CASTOR2: variants seen among roughly 807,000 people sequenced by gnomAD.
CASTOR2 encodes GATS protein like 2.
In CASTOR2, 8 loss-of-function variants were observed where a neutral mutation model predicts 31.2. The ratio of observed to expected loss-of-function variants is 0.26; its 90% CI spans 0.15 to 0.46. CASTOR2 has a LOEUF of 0.46. Ranked by LOEUF, CASTOR2 falls within the 20% of genes least tolerant of loss-of-function variation. CASTOR2 has a pLI of 0.99. For missense variants in CASTOR2, 216 were observed against 382.1 expected (o/e 0.57, Z 3.62); for synonymous variants, 162 against 158.7 (o/e 1.02, Z -0.16).
intron 1 of CASTOR2, among the ~76,000 whole-genome samples, chr7:75,000,066 A>G (rs1218233469): frequency 3.9e-5 from 6 of 152,118 alleles, no homozygotes. Context: ...GTCTCCACAA[A>G]CATTTAAAAA....
At chr7:75,009,167 A>G (rs1244258607) in intron 2 of CASTOR2, among the ~76,000 whole-genome samples, 1 of 148,848 alleles carries the variant, frequency 6.7e-6, no homozygotes, top group Non-Finnish European at 1.5e-5. Context: ...CCTGTTGGCC[A>G]GGATCGTCTT....
intron 1 of CASTOR2, among the ~76,000 whole-genome samples, chr7:74,976,529 TGTC>T (rs1803811985): frequency 1.3e-5 from 1 of 76,310 alleles, no homozygotes; most frequent in Non-Finnish European, 2.6e-5. Context: ...AATGAGACCC[TGTC>T]TCCTCCTCCT....
At chr7:74,975,372 A>G (rs1426745904) in intron 1 of CASTOR2, among the ~76,000 whole-genome samples, 4 of 148,138 alleles carry the variant, frequency 2.7e-5, no homozygotes, top group Admixed American at 6.7e-5. Context: ...TGGTTTCCCA[A>G]AGTGCTGGGA....
At position 75,028,989 on chromosome 7, in the gene CASTOR2, TCCGGAAG is replaced by T. The variant is rs1462328719; in HGVS notation, c.*4292_*4298del. On this transcript the variant is annotated 3_prime_UTR_variant, in exon 9 of 9. Transcript: ENST00000616305. ...GGGATCAGAGGCTTCCAGTGTGGCC[TCCGGAAG>T]CAGCAGCGTAGCCAGGGTGACATTT... Among the ~76,000 whole-genome samples, 3 of 149,764 alleles carry T rather than the reference TCCGGAAG, an allele frequency of 2.0e-5. No individual in the cohort carries two copies. Among genetic ancestry groups the T allele is most frequent in the Non-Finnish European group, 3.0e-5 (2 of 66,926 alleles).
intron 1 of CASTOR2, among the ~76,000 whole-genome samples, chr7:74,987,969 A>G (rs1466044741): frequency 1.3e-5 from 2 of 150,910 alleles, no homozygotes; most frequent in South Asian, 2.1e-4. Flanking sequence ...TGGCCTCCCA[A>G]AGTGCTGGGA....
chr7:74,965,850 T>TCACACACACACACACACA (rs1177991219), intron 1 of CASTOR2, among the ~76,000 whole-genome samples: 1 of 10,646 alleles, frequency 9.4e-5, no homozygotes. Flanking sequence ...AAAGAGGGAA[T>TCACACACACACACACACA]CACACACACA....
chr7:74,990,998 A>T (rs1232695156), intron 1 of CASTOR2, among the ~76,000 whole-genome samples: 1 of 151,078 alleles, frequency 6.6e-6, no homozygotes, highest in East Asian at 1.9e-4. Context: ...ACGTAAGCCC[A>T]GGAGTTAGAG....
intron 2 of CASTOR2, among the ~76,000 whole-genome samples, chr7:75,017,004 T>TA (rs1804878186): frequency 6.6e-6 from 1 of 151,942 alleles, no homozygotes; most frequent in Non-Finnish European, 1.5e-5. Flanking sequence ...CCATCTCTAC[T>TA]AAAAATACAA....
In CASTOR2 at chr7:74,965,863, C is replaced by CAG. The variant is rs1383475715; in HGVS notation, c.113+766_113+767insGA. Among the ~76,000 whole-genome samples, 3 of 18,768 alleles carry CAG rather than the reference C, an allele frequency of 1.6e-4. 1 individual carries two copies. The highest frequency in any genetic ancestry group is 2.7e-4 in the Non-Finnish European group (3 of 11,122). The allele number at this position is 18,768 out of a possible 152,430, so 12.3% of individuals were successfully genotyped here. A position where few individuals can be genotyped will look rare whatever the true frequency, so the allele number is the denominator to read the frequency against. ...TAAAAGAGGGAATCACACACACACA[C>CAG]ACACACACACACACACACACTCTCT... On this transcript the variant is annotated intron_variant, in intron 1 of 8. Transcript: ENST00000616305.
At chr7:74,983,825 T>G (rs1472577787) in intron 1 of CASTOR2, among the ~76,000 whole-genome samples, 1 of 151,020 alleles carries the variant, frequency 6.6e-6, no homozygotes, top group African/African-American at 2.4e-5. Context: ...TCTCGCTCGG[T>G]CACCCAGGCC....
chr7:75,001,494 C>T (rs1469339220), intron 1 of CASTOR2, among the ~76,000 whole-genome samples: 7 of 152,136 alleles, frequency 4.6e-5, no homozygotes, highest in African/African-American at 7.2e-5. Flanking sequence ...CCCGGGGGCC[C>T]GGCATCTGGG....
At chr7:74,984,829 C>A (rs1406736410) in intron 1 of CASTOR2, among the ~76,000 whole-genome samples, 1 of 152,142 alleles carries the variant, frequency 6.6e-6, no homozygotes, top group African/African-American at 2.4e-5. Flanking sequence ...GCTTTGGACT[C>A]AGAAGTCTGA....
At chr7:75,022,597 G>T (rs1805031648) in intron 7 of CASTOR2, among the ~76,000 whole-genome samples, 1 of 151,042 alleles carries the variant, frequency 6.6e-6, no homozygotes, top group African/African-American at 2.4e-5. Context: ...GAGGTCAGGA[G>T]TACCAGCCTG....
chr7:75,000,878 G>T (rs1804478160), intron 1 of CASTOR2, among the ~76,000 whole-genome samples: 1 of 152,020 alleles, frequency 6.6e-6, no homozygotes, highest in African/African-American at 2.4e-5. Context: ...GGCCAGGCTG[G>T]TCTCGAACTC....
intron 1 of CASTOR2, among the ~76,000 whole-genome samples, chr7:74,993,650 C>T (rs1804265739): frequency 6.6e-6 from 1 of 151,614 alleles, no homozygotes; most frequent in African/African-American, 2.4e-5. Flanking sequence ...AGGGTTTCAC[C>T]ATGTTGCCCA....
chr7:75,008,377 G>A (rs1218998497), intron 2 of CASTOR2, among the ~76,000 whole-genome samples: 1 of 152,136 alleles, frequency 6.6e-6, no homozygotes, highest in Non-Finnish European at 1.5e-5. Context: ...CAACCCAGAA[G>A]AAAAGGAACA....
At chr7:75,020,907 A>C (rs1159059248) in intron 6 of CASTOR2, among the ~76,000 whole-genome samples, 2 of 150,412 alleles carry the variant, frequency 1.3e-5, no homozygotes, top group Non-Finnish European at 3.0e-5. Context: ...AGTGATCCAC[A>C]TGTCTCAGCC....
intron 7 of CASTOR2, among the ~76,000 whole-genome samples, chr7:75,022,932 C>A (rs1319547398): frequency 1.3e-5 from 2 of 152,234 alleles, no homozygotes; most frequent in African/African-American, 2.4e-5. Context: ...ATGTTTTCTT[C>A]ACGTAAATAC....
intron 7 of CASTOR2, among the ~76,000 whole-genome samples, chr7:75,023,817 A>C (rs1161335273): frequency 6.6e-6 from 1 of 152,172 alleles, no homozygotes; most frequent in Non-Finnish European, 1.5e-5. Flanking sequence ...ATGAGGCTAA[A>C]CCATTCATGA....
Sources: allele counts gnomAD v4.1 joint callset (sites outside exome capture counted in the v4.1 genomes callset), GRCh38; gene constraint gnomAD v4.1.1; transcripts MANE v1.5; gene names NCBI Gene and HGNC (gene_info 2026-07-23, HGNC 2026-07-21).